NBPF8: variants seen among roughly 807,000 people sequenced by gnomAD.
NBPF8 encodes NBPF family member NBPF8.
intron 11 of NBPF8, among the ~76,000 whole-genome samples, chr1:120,449,858 C>T (rs587631193): frequency 6.6e-6 from 1 of 152,260 alleles, no homozygotes; most frequent in South Asian, 2.1e-4. Context: ...TGATAGTAGC[C>T]AGTACCTGCT....
chr1:120,425,141 G>A (rs1660681137), intron 1 of NBPF8, among the ~76,000 whole-genome samples: 3 of 152,116 alleles, frequency 2.0e-5, no homozygotes, highest in African/African-American at 7.2e-5. Context: ...GGAAGGGAAA[G>A]ACCTGACTGT....
chr1:120,415,136 G>C (rs1235480029), upstream of NBPF8, among the ~76,000 whole-genome samples: 5 of 152,186 alleles, frequency 3.3e-5, no homozygotes, highest in African/African-American at 9.6e-5. Context: ...GAGGCTGCGT[G>C]AGCATCTGAG....
upstream of NBPF8, among the ~76,000 whole-genome samples, chr1:120,434,473 C>T (rs1661015144): frequency 6.8e-6 from 1 of 146,412 alleles, no homozygotes; most frequent in Admixed American, 6.9e-5. Flanking sequence ...TCGTCATTTA[C>T]ATTAGGTATT....
intron 3 of NBPF8, among the ~76,000 whole-genome samples, chr1:120,428,196 A>G (rs1287332646): frequency 1.3e-5 from 2 of 152,158 alleles, no homozygotes; most frequent in African/African-American, 4.8e-5. Context: ...ACAGGTGGCC[A>G]TGAAACAGAT....
At chr1:120,431,079 C>T (rs1660860919) in intron 3 of NBPF8, among the ~76,000 whole-genome samples, 1 of 147,598 alleles carries the variant, frequency 6.8e-6, no homozygotes, top group African/African-American at 2.5e-5. Flanking sequence ...AATTCACTAC[C>T]TATTTCCAGA....
chr1:120,434,592 T>A (rs1251550245), upstream of NBPF8, among the ~76,000 whole-genome samples: 1 of 151,438 alleles, frequency 6.6e-6, no homozygotes, highest in Non-Finnish European at 1.5e-5. Context: ...CACCCATGAG[T>A]GAGAACATGC....
At chr1:120,424,662 G>A (rs1415137232) in intron 1 of NBPF8, among the ~76,000 whole-genome samples, 4 of 149,354 alleles carry the variant, frequency 2.7e-5, no homozygotes, top group African/African-American at 9.9e-5. Flanking sequence ...TGGCCAGGTT[G>A]GTCTCTAACT....
At chr1:120,428,218 T>C (rs1660775843) in intron 3 of NBPF8, among the ~76,000 whole-genome samples, 1 of 152,146 alleles carries the variant, frequency 6.6e-6, no homozygotes, top group Non-Finnish European at 1.5e-5. Context: ...GTCATAGAAT[T>C]GGTTCAGTGG....
At chr1:120,449,538 C>T (rs1638310724) in intron 11 of NBPF8, 136 bp downstream of exon 9, 4 of 862,300 alleles carry the variant, frequency 4.6e-6, no homozygotes, top group Admixed American at 2.1e-5. Flanking sequence ...GGTATTTTAA[C>T]ATTTTGTCAA....
At chr1:120,431,417 C>CAA (rs1226229746), upstream of NBPF8, among the ~76,000 whole-genome samples, 1 of 84,440 alleles carries the variant, frequency 1.2e-5, no homozygotes, top group Non-Finnish European at 2.7e-5. Context: ...CACACACACA[C>CAA]ACATATATAT....
chr1:120,454,124 G>C lies in NBPF8; in HGVS notation n.2568+10G>C. 6.2e-7 allele frequency: 1 copy of C among 1,612,254 alleles called. No homozygotes were observed. The highest frequency in any genetic ancestry group is 1.7e-5 in the Admixed American group (1 of 59,974). On this transcript the variant is annotated intron_variant and non_coding_transcript_variant, in intron 15 of 24. Coordinates refer to ENST00000583271, the Ensembl canonical transcript of NBPF8. ...GTACACATTATTCCAGGTAGCCTCTGTTTTCCTTGTGTCTCATACCTCTCT... is the reference window on the plus strand; with the variant it reads ...GTACACATTATTCCAGGTAGCCTCTCTTTTCCTTGTGTCTCATACCTCTCT...
At chr1:120,425,568 C>T (rs1184352490) in intron 1 of NBPF8, among the ~76,000 whole-genome samples, 1 of 152,180 alleles carries the variant, frequency 6.6e-6, no homozygotes, top group African/African-American at 2.4e-5. Flanking sequence ...AACTCAGAGG[C>T]CAGTGCCAGC....
At chr1:120,469,249 G>A (rs1661844277), downstream of NBPF8, among the ~76,000 whole-genome samples, 2 of 139,180 alleles carry the variant, frequency 1.4e-5, no homozygotes. Flanking sequence ...GATTATGGAG[G>A]CTGAAATTCC....
intron 12 of NBPF8, 95 bp from the exon 11 acceptor site, chr1:120,452,022 C>T (rs1297782789): frequency 2.2e-6 from 3 of 1,358,720 alleles, no homozygotes; most frequent in African/African-American, 2.9e-5. Flanking sequence ...TTCAAGGTCT[C>T]CTTGAGGACA....
upstream of NBPF8, among the ~76,000 whole-genome samples, chr1:120,415,202 C>G (rs1386821252): frequency 6.6e-6 from 1 of 152,196 alleles, no homozygotes; most frequent in African/African-American, 2.4e-5. Context: ...CAGGAGCGGG[C>G]CGAGGCGCGG....
chr1:120,460,445 T>C, intron 17 of NBPF8, 128 bp from the exon 16 acceptor site: 6 of 772,722 alleles, frequency 7.8e-6, no homozygotes, highest in Non-Finnish European at 1.2e-5. Context: ...CTGGAATATT[T>C]CTCTCAAAGT....
chr1:120,452,100 C>T lies in NBPF8; in HGVS notation n.2075-17C>T. ...AACCCTTTCCACTCTTAAATTTTCT[C>T]TACCGTCTCACCTTAGGCAATATAA... On this transcript the variant is annotated splice_polypyrimidine_tract_variant and intron_variant and non_coding_transcript_variant, in intron 12 of 24. Coordinates refer to ENST00000583271, the Ensembl canonical transcript of NBPF8. 6.6e-7 allele frequency: 1 copy of T among 1,504,364 alleles called. No homozygotes were observed. Among genetic ancestry groups the T allele is most frequent in the East Asian group, 2.3e-5 (1 of 44,208 alleles). The allele number at this position is 1,504,364 out of a possible 1,614,324, so 93.2% of individuals were successfully genotyped here.
chr1:120,462,732 GC>G, intron 20 of NBPF8, 61 bp from the exon 19 acceptor site: 1 of 222,298 alleles, frequency 4.5e-6, no homozygotes, highest in South Asian at 2.5e-5. Context: ...ATGAAATCTA[GC>G]TGGGGCTGTG....
exon 25 of NBPF8, chr1:120,466,073 G>C (rs1408645423): frequency 3.0e-5 from 49 of 1,611,696 alleles, no homozygotes; most frequent in East Asian, 2.7e-4. Flanking sequence ...TGTGAACTAC[G>C]TGACTCATTC....
Sources: allele counts gnomAD v4.1 joint callset (sites outside exome capture counted in the v4.1 genomes callset), GRCh38; gene constraint gnomAD v4.1.1; transcripts MANE v1.5; gene names NCBI Gene and HGNC (gene_info 2026-07-23, HGNC 2026-07-21).